Variants in AFAP1 observed in about 807,000 individuals in gnomAD.
AFAP1 encodes the protein actin filament-associated protein 1.
In AFAP1, 75 loss-of-function variants were observed where a neutral mutation model predicts 93.9. That is an observed-to-expected ratio of 0.80 (90% CI 0.66 to 0.97). The LOEUF (loss-of-function observed/expected upper bound fraction) is 0.97, where lower values mean the gene tolerates loss of function less well. AFAP1 is among the 50% of genes least tolerant of loss of function. The pLI, the probability that AFAP1 is intolerant of heterozygous loss-of-function variation, is 0.00. For missense variants in AFAP1, 1,201 were observed against 1,050.8 expected, an observed-to-expected ratio of 1.14 and a Z score of -1.98; for synonymous variants, 517 against 430.7, an observed-to-expected ratio of 1.20 and a Z score of -2.48.
At chr4:7,878,535 G>C (rs1251611370) in intron 1 of AFAP1, among the ~76,000 whole-genome samples, 1 of 152,142 alleles carries the variant, frequency 6.6e-6, no homozygotes, top group Non-Finnish European at 1.5e-5. Flanking sequence ...TTTTCCTCCA[G>C]GGCCTCCAGC....
At chr4:7,914,880 T>C (rs1175870062) in intron 1 of AFAP1, among the ~76,000 whole-genome samples, 2 of 152,070 alleles carry the variant, frequency 1.3e-5, no homozygotes, top group African/African-American at 4.8e-5. Context: ...CCCAAGTAGC[T>C]GGGATTATGG....
intron 9 of AFAP1, among the ~76,000 whole-genome samples, chr4:7,806,526 G>A (rs1005572503): frequency 2.0e-5 from 3 of 152,096 alleles, no homozygotes; most frequent in East Asian, 1.9e-4. Context: ...AGTCCAGCTC[G>A]GCCCTTCATC....
rs1404562230 is a variant in AFAP1 at position 7,861,475 on chromosome 4, C to T, written c.226-5901G>A. Among the ~76,000 whole-genome samples the T allele has an allele frequency of 5.3e-5, 8 of 152,196 alleles. No homozygotes were observed. In the East Asian group the frequency reaches 1.5e-3, roughly 29 times the overall value. On this transcript the variant is annotated intron_variant, in intron 3 of 17. Transcript: ENST00000420658. ...ATGCAAGTCTTTATCCAAATTACAC[C>T]CCATTCCATTGTGATCACTGTTAAG...
At chr4:7,777,357 A>T (rs940847051) in intron 14 of AFAP1, 4 of 152,250 alleles carry the variant, frequency 2.6e-5, no homozygotes, top group Admixed American at 6.5e-5. Context: ...TGGGTAGAAC[A>T]GAGGTGGAGA....
At chr4:7,841,674 G>T (rs755842839) in intron 5 of AFAP1, among the ~76,000 whole-genome samples, 1 of 152,134 alleles carries the variant, frequency 6.6e-6, no homozygotes, top group Non-Finnish European at 1.5e-5. Context: ...CTGAATGATA[G>T]GTCATTTTTG....
chr4:7,768,254 T>G (rs1393480535), intron 17 of AFAP1, among the ~76,000 whole-genome samples: 1 of 152,256 alleles, frequency 6.6e-6, no homozygotes, highest in Non-Finnish European at 1.5e-5. Flanking sequence ...AGGACCCGTT[T>G]GCTTTGATCA....
Position 7,760,088 on chromosome 4 carries a change from T to C in AFAP1, c.*3677A>G, listed in dbSNP as rs916927822. On this transcript the variant is annotated 3_prime_UTR_variant, in exon 18 of 18. Coordinates refer to ENST00000420658, the MANE Select transcript of AFAP1 (RefSeq NM_001134647.2). ...TCACAACCCTACACCTAACCCCAGC[T>C]TCGACGCTGCCCTTTGAGTCCCGTG... 6.6e-6 allele frequency: 1 copy of C among 152,228 alleles called. No individual in the cohort carries two copies. Among genetic ancestry groups the C allele is most frequent in the Non-Finnish European group, 1.5e-5 (1 of 68,034 alleles). The allele number at this position is 152,228 out of a possible 1,614,324, so 9.4% of individuals were successfully genotyped here. A position where few individuals can be genotyped will look rare whatever the true frequency, so the allele number is the denominator to read the frequency against.
At chr4:7,771,283 G>A (rs1715391691) in intron 16 of AFAP1, among the ~76,000 whole-genome samples, 1 of 143,672 alleles carries the variant, frequency 7.0e-6, no homozygotes, top group Non-Finnish European at 1.5e-5. Context: ...GACTCAGGAA[G>A]TGAGGTGGGA....
chr4:7,856,752 G>A (rs1386585937), intron 3 of AFAP1, among the ~76,000 whole-genome samples: 1 of 152,124 alleles, frequency 6.6e-6, no homozygotes, highest in Non-Finnish European at 1.5e-5. Flanking sequence ...CCATCTACAG[G>A]ACTTGCTGGT....
intron 9 of AFAP1, among the ~76,000 whole-genome samples, chr4:7,809,179 T>G (rs1719794180): frequency 6.6e-6 from 1 of 152,002 alleles, no homozygotes; most frequent in African/African-American, 2.4e-5. Flanking sequence ...CATTTAGCAT[T>G]AGGTATATCT....
Position 7,769,328 on chromosome 4 carries a change from C to T in AFAP1, c.2254-320G>A, listed in dbSNP as rs564075767. 7.5e-4 allele frequency among the ~76,000 whole-genome samples: 115 copies of T among 152,332 alleles called. No individual in the cohort carries two copies. The South Asian group carries it at 7.7e-3, about 10-fold the overall frequency. On this transcript the variant is annotated intron_variant, in intron 16 of 17. Transcript: ENST00000420658. ...AAAGCTGGGCTCTTGCATGCAGCTG[C>T]TGCCGCCTCTAGCTGGTCCCTTTGT...
rs777182069 is a variant in AFAP1, at chr4:7,798,843, C to A, written c.1266+1599G>T. 4.1e-6 allele frequency: 4 copies of A among 985,040 alleles called. No individual in the cohort carries two copies. The East Asian group carries it at 4.6e-4, about 112-fold the overall frequency. The allele number at this position is 985,040 out of a possible 1,614,324, so 61.0% of individuals were successfully genotyped here. A position where few individuals can be genotyped will look rare whatever the true frequency, so the allele number is the denominator to read the frequency against. ...ACTTCCACCCACCCCCACCGCACCC[C>A]GAGCTTCTCTGTCTGGGCACTTGCC... is the stretch of plus-strand genomic sequence containing the variant. On this transcript the variant is annotated intron_variant, in intron 10 of 17. Coordinates refer to ENST00000420658, the MANE Select transcript of AFAP1 (RefSeq NM_001134647.2).
At position 7,864,363 on chromosome 4, in the gene AFAP1, A is replaced by G. The variant is rs1716170410; in HGVS notation, c.225+4259T>C. Among the ~76,000 whole-genome samples the G allele has an allele frequency of 2.6e-5, 4 of 152,338 alleles. No homozygotes were observed. The South Asian group carries it at 6.2e-4, about 24-fold the overall frequency. ...CCTACCAGTCCCGTCCTGACCCCAC[A>G]ATAAGCAAATTCTCTTGAAAGTCAA... On this transcript the variant is annotated intron_variant, in intron 3 of 17. Transcript: ENST00000420658.
intron 14 of AFAP1, 126 bp from the exon 15 acceptor site, chr4:7,775,029 T>TTCCTGAGTAGCTGGG: frequency 8.5e-7 from 1 of 1,173,762 alleles, no homozygotes; most frequent in Non-Finnish European, 1.2e-6. Flanking sequence ...TAGTCCCAGC[T>TTCCTGAGTAGCTGGG]ACTCAGGAAG....
intron 1 of AFAP1, among the ~76,000 whole-genome samples, chr4:7,925,465 C>T (rs1720673011): frequency 6.6e-6 from 1 of 152,110 alleles, no homozygotes; most frequent in African/African-American, 2.4e-5. Context: ...GTAATCCCAG[C>T]ACTTTGGGAG....
intron 1 of AFAP1, among the ~76,000 whole-genome samples, chr4:7,933,720 G>A (rs567801027): frequency 3.9e-5 from 6 of 152,322 alleles, no homozygotes; most frequent in Admixed American, 3.3e-4. Flanking sequence ...AGAGGCCTCA[G>A]GAGCTGAGGA....
intron 12 of AFAP1, among the ~76,000 whole-genome samples, chr4:7,782,744 A>G (rs1464670837): frequency 1.3e-5 from 2 of 152,226 alleles, no homozygotes; most frequent in African/African-American, 4.8e-5. Flanking sequence ...GCCAGACGGT[A>G]ATTACAACCT....
chr4:7,834,787 C>T (rs1386165511), intron 6 of AFAP1, among the ~76,000 whole-genome samples: 1 of 152,236 alleles, frequency 6.6e-6, no homozygotes, highest in Non-Finnish European at 1.5e-5. Context: ...TACCCATAAG[C>T]AGGATGGAGA....
At chr4:7,788,233 T>A (rs1386160065) in intron 11 of AFAP1, among the ~76,000 whole-genome samples, 1 of 152,200 alleles carries the variant, frequency 6.6e-6, no homozygotes, top group Non-Finnish European at 1.5e-5. Context: ...GGGTATTTCA[T>A]AGGATCCTGC....
Sources: allele counts gnomAD v4.1 joint callset (sites outside exome capture counted in the v4.1 genomes callset), GRCh38; gene constraint gnomAD v4.1.1; transcripts MANE v1.5; gene names NCBI Gene and HGNC (gene_info 2026-07-23, HGNC 2026-07-21).